Variants in VIT observed in about 807,000 individuals in gnomAD.
VIT encodes vitrin.
A neutral mutation model predicts 78.0 loss-of-function variants in VIT; 99 were observed. The observed-to-expected ratio is 1.27, with a 90% CI of 1.08 to 1.50. VIT has a LOEUF of 1.50. Ranked by LOEUF, VIT falls within the 40% of genes most tolerant of loss-of-function variation. VIT has a pLI of 0.00. For missense variants in VIT, 1,126 were observed against 875.3 expected (o/e 1.29, Z -3.61); for synonymous variants, 374 against 334.3 (o/e 1.12, Z -1.29).
Position 36,795,618 on chromosome 2 carries a change from T to C in VIT, c.1059-5683T>C, listed in dbSNP as rs750300987. 1.6e-3 allele frequency among the ~76,000 whole-genome samples: 251 copies of C among 152,190 alleles called. 1 individual carries two copies. The highest frequency in any genetic ancestry group is 6.5e-4 in the Admixed American group (10 of 15,282). ...TTAGTGGAGACTGGGTTTCATCATA[T>C]TGATCAAGCTGGTCTCGAACTCCTG... On this transcript the variant is annotated intron_variant, in intron 12 of 15. Coordinates refer to ENST00000379242, the MANE Select transcript of VIT (RefSeq NM_053276.4).
At chr2:36,736,178 A>G (rs1373204101) in intron 3 of VIT, among the ~76,000 whole-genome samples, 3 of 152,174 alleles carry the variant, frequency 2.0e-5, no homozygotes, top group African/African-American at 7.2e-5. Flanking sequence ...AGCAGTTTCT[A>G]ACAGATTACC....
At chr2:36,763,583 CTTTTTTT>C (rs70946947) in intron 6 of VIT, among the ~76,000 whole-genome samples, 2 of 60,434 alleles carry the variant, frequency 3.3e-5, no homozygotes, top group African/African-American at 6.6e-5. Flanking sequence ...TCTATCTTCC[CTTTTTTT>C]TTTTTTTTTT....
chr2:36,736,757 G>A (rs1667532307), intron 3 of VIT, among the ~76,000 whole-genome samples: 1 of 152,204 alleles, frequency 6.6e-6, no homozygotes, highest in Non-Finnish European at 1.5e-5. Flanking sequence ...TAGGTTAGAG[G>A]CCTCCTGTAT....
intron 13 of VIT, among the ~76,000 whole-genome samples, chr2:36,805,024 C>T (rs1270219565): frequency 6.6e-6 from 1 of 151,748 alleles, no homozygotes. Context: ...AGTAACAGGC[C>T]GGGTGCAGTG....
At chr2:36,811,709 G>A (rs574670673) in intron 15 of VIT, among the ~76,000 whole-genome samples, 96 of 148,686 alleles carry the variant, frequency 6.5e-4, no homozygotes, top group Non-Finnish European at 1.2e-3. Flanking sequence ...TTTCGCTCTG[G>A]TTGCCCAGGC....
chr2:36,767,656 C>T (rs541313802), intron 7 of VIT, among the ~76,000 whole-genome samples: 2 of 152,238 alleles, frequency 1.3e-5, no homozygotes, highest in East Asian at 3.9e-4. Flanking sequence ...GCAAACAAAA[C>T]CAAAAGAATC....
At chr2:36,722,956 TAA>T (rs1666605458) in intron 2 of VIT, among the ~76,000 whole-genome samples, 1 of 151,168 alleles carries the variant, frequency 6.6e-6, no homozygotes, top group Non-Finnish European at 1.5e-5. Context: ...ATCATTTATA[TAA>T]GATTCTAATT....
At chr2:36,702,204 T>C (rs1015533134) in intron 1 of VIT, among the ~76,000 whole-genome samples, 1 of 152,038 alleles carries the variant, frequency 6.6e-6, no homozygotes, top group African/African-American at 2.4e-5. Flanking sequence ...AGTGGAACCA[T>C]GCTTGGGAGG....
intron 2 of VIT, among the ~76,000 whole-genome samples, chr2:36,717,755 GAAGCCTTTCAGACAGTC>G (rs1375105207): frequency 6.6e-6 from 1 of 152,178 alleles, no homozygotes; most frequent in East Asian, 1.9e-4. Context: ...AAGGAGCACA[GAAGCCTTTCAGACAGTC>G]TGTTAGTTTG....
intron 2 of VIT, among the ~76,000 whole-genome samples, chr2:36,720,389 G>A (rs1181928261): frequency 6.6e-6 from 1 of 152,106 alleles, no homozygotes; most frequent in East Asian, 1.9e-4. Flanking sequence ...ACACAATGGG[G>A]AAAGAACAAT....
chr2:36,752,162 T>C (rs890295389), intron 4 of VIT, among the ~76,000 whole-genome samples: 2 of 152,194 alleles, frequency 1.3e-5, no homozygotes, highest in African/African-American at 4.8e-5. Flanking sequence ...ACCAAAGGGA[T>C]AATGAACATA....
At chr2:36,789,518 C>G (rs1558574562) in intron 12 of VIT, among the ~76,000 whole-genome samples, 2 of 152,156 alleles carry the variant, frequency 1.3e-5, no homozygotes, top group African/African-American at 4.8e-5. Context: ...GGAAACAAAA[C>G]AAATGAGAGG....
intron 2 of VIT, among the ~76,000 whole-genome samples, chr2:36,725,680 A>G (rs1215016142): frequency 6.6e-6 from 1 of 152,208 alleles, no homozygotes; most frequent in Non-Finnish European, 1.5e-5. Flanking sequence ...TTTTTTAAAC[A>G]CTTGGTGGCA....
intron 3 of VIT, among the ~76,000 whole-genome samples, chr2:36,739,848 G>A (rs17019667): frequency 0.1 from 15,502 of 152,216 alleles, 1,583 homozygotes; most frequent in East Asian, 0.25. Flanking sequence ...GCTCTCTGTG[G>A]CTTTGGTGTG....
At chr2:36,765,824 G>T (rs1232751622) in intron 6 of VIT, among the ~76,000 whole-genome samples, 1 of 152,254 alleles carries the variant, frequency 6.6e-6, no homozygotes, top group Non-Finnish European at 1.5e-5. Flanking sequence ...TGATGCTGAT[G>T]TCTGACTTCT....
At chr2:36,792,772 T>C (rs561996901) in intron 12 of VIT, among the ~76,000 whole-genome samples, 7 of 152,298 alleles carry the variant, frequency 4.6e-5, no homozygotes, top group African/African-American at 1.7e-4. Context: ...CAGTGACCCC[T>C]GACCCCCACA....
At position 36,814,314 on chromosome 2, in the gene VIT, A is replaced by G; in HGVS notation, c.2035A>G (p.Ile679Val). 6.2e-7 allele frequency: 1 copy of G among 1,614,200 alleles called. No homozygotes were observed. Among genetic ancestry groups the G allele is most frequent in the Non-Finnish European group, 8.5e-7 (1 of 1,180,036 alleles). ...CAACCTCCATCAGTATGTCCCCAGG[A>G]TCATCCAGAACATTTGTACAGAGTT... ...FDNLHQYVPR[I>V]IQNICTEFNS... Residue 679 changes from isoleucine (I) to valine (V), a missense_variant, in exon 16 of 16, where the codon ATC (isoleucine) becomes GTC (valine). Physicochemically the swap from Ile to Val is conservative, Grantham distance 29. Coordinates refer to ENST00000379242, the MANE Select transcript of VIT (RefSeq NM_053276.4).
chr2:36,733,782 C>G (rs535221321), intron 3 of VIT, among the ~76,000 whole-genome samples: 2 of 152,284 alleles, frequency 1.3e-5, no homozygotes, highest in African/African-American at 4.8e-5. Context: ...AATCAAAAGT[C>G]TGGCCTCTTA....
intron 1 of VIT, among the ~76,000 whole-genome samples, chr2:36,707,241 A>G (rs1476998074): frequency 6.6e-6 from 1 of 152,138 alleles, no homozygotes; most frequent in African/African-American, 2.4e-5. Context: ...CAGGCACAAG[A>G]CAAATCATAG....
Sources: allele counts gnomAD v4.1 joint callset (sites outside exome capture counted in the v4.1 genomes callset), GRCh38; gene constraint gnomAD v4.1.1; transcripts MANE v1.5; gene names NCBI Gene and HGNC (gene_info 2026-07-23, HGNC 2026-07-21).